NCAPG2: variants seen among roughly 807,000 people sequenced by gnomAD.
NCAPG2 encodes the protein non-SMC condensin II complex subunit G2, also known as condensin-2 complex subunit G2.
NCAPG2 carries 53 observed loss-of-function variants against 141.1 expected under a neutral mutation model. That is an observed-to-expected ratio of 0.38 (90% CI 0.30 to 0.47). The LOEUF is 0.47. Among genes scored for constraint, NCAPG2 ranks in the 20% least tolerant of loss-of-function variants. The pLI is 0.99. For missense variants in NCAPG2, 1,087 were observed against 1,389.0 expected (o/e 0.78, Z 3.46); for synonymous variants, 499 against 490.7 (o/e 1.02, Z -0.22).
intron 15 of NCAPG2, among the ~76,000 whole-genome samples, chr7:158,662,890 G>A (rs1832625690): frequency 6.6e-6 from 1 of 152,166 alleles, no homozygotes. Flanking sequence ...AGCCTGAGAG[G>A]CTGGAATAAT....
rs1830012604 is a variant in NCAPG2 at position 158,633,523 on chromosome 7, G to A, written c.3381-1806C>T. Among the ~76,000 whole-genome samples the A allele has an allele frequency of 6.6e-6, 1 of 152,206 alleles. No individual in the cohort carries two copies. Among genetic ancestry groups the A allele is most frequent in the East Asian group, 1.9e-4 (1 of 5,176 alleles). ...TGCAGCGACACAGGAGACTCTGGGT[G>A]CCCCACAGCCCCTTCACTCTCCCAG... On this transcript the variant is annotated intron_variant, in intron 27 of 27. Transcript: ENST00000356309. This position sits in a 1 kb window ranked among gnomAD's most constrained non-coding sequence, Gnocchi z 4.1.
At chr7:158,676,426 C>A (rs758340808) in intron 11 of NCAPG2, among the ~76,000 whole-genome samples, 52 of 152,110 alleles carry the variant, frequency 3.4e-4, no homozygotes, top group Non-Finnish European at 3.7e-4. Context: ...AGCACATGGG[C>A]CTTAGTTAGA....
chr7:158,652,220 G>A lies in NCAPG2; in HGVS notation c.2934+73C>T. 9.8e-6 allele frequency: 14 copies of A among 1,422,166 alleles called. No individual in the cohort carries two copies. In the South Asian group the frequency reaches 1.7e-4, roughly 17 times the overall value. 88.1% of individuals were successfully genotyped at this position (1,422,166 alleles called of 1,614,324 possible). A position where few individuals can be genotyped will look rare whatever the true frequency, so the allele number is the denominator to read the frequency against. The stretch of plus-strand genomic sequence containing the variant: ...GAGCGTGAACAGCACAGCCAGGGCT[G>A]ATGCATCTGTGTAGGTGTAGCCAGC... On this transcript the variant is annotated intron_variant, in intron 23 of 27. Coordinates refer to ENST00000356309, the MANE Select transcript of NCAPG2 (RefSeq NM_017760.7).
chr7:158,646,998 C>T (rs184675344), intron 24 of NCAPG2, among the ~76,000 whole-genome samples: 3 of 150,800 alleles, frequency 2.0e-5, no homozygotes, highest in Admixed American at 1.3e-4. Flanking sequence ...GCACTCCAGC[C>T]TGGGTGACAG....
At chr7:158,661,766 C>T (rs1318752858) in intron 16 of NCAPG2, among the ~76,000 whole-genome samples, 4 of 152,060 alleles carry the variant, frequency 2.6e-5, no homozygotes, top group Non-Finnish European at 4.4e-5. Context: ...ACTGTTTGCC[C>T]CAACAACACA....
chr7:158,696,097 T>C (rs1252208944), intron 2 of NCAPG2: 2 of 152,274 alleles, frequency 1.3e-5, no homozygotes. Flanking sequence ...GCAACAATTT[T>C]ACTGTATCTC....
At chr7:158,665,783 TG>T (rs1832883628) in intron 13 of NCAPG2, among the ~76,000 whole-genome samples, 1 of 152,148 alleles carries the variant, frequency 6.6e-6, no homozygotes, top group African/African-American at 2.4e-5. Context: ...AAGTTGTTCT[TG>T]CCAAGGTCAT....
intron 15 of NCAPG2, among the ~76,000 whole-genome samples, chr7:158,663,519 G>A (rs561712906): frequency 6.6e-6 from 1 of 152,350 alleles, no homozygotes; most frequent in East Asian, 1.9e-4. Flanking sequence ...GCCTGGGTGA[G>A]CCATCTGCTG....
intron 9 of NCAPG2, among the ~76,000 whole-genome samples, chr7:158,681,391 C>A (rs536305024): frequency 3.3e-5 from 5 of 152,352 alleles, no homozygotes; most frequent in Admixed American, 2.0e-4. Flanking sequence ...CTACTCACTT[C>A]TTTTCCAGTC....
chr7:158,641,263 C>A, intron 27 of NCAPG2: 2 of 376,324 alleles, frequency 5.3e-6, no homozygotes, highest in East Asian at 3.8e-5. Context: ...AAGACAATAA[C>A]AAATATGGTG....
chr7:158,692,917 T>C lies in NCAPG2; in HGVS notation c.307A>G (p.Ile103Val), dbSNP rs755335968. ...TTTATTACAGACACAGAAGCAAGAATCACAGATGTAATTGCATAAATTATT... is the reference window on the plus strand; with the variant it reads ...TTTATTACAGACACAGAAGCAAGAACCACAGATGTAATTGCATAAATTATT... ...IEIIYAITSV[I>V]LASVSVINES... The change falls in exon 4 of 28, where the codon ATT becomes GTT. Residue 103 changes from isoleucine to valine, a missense_variant. Ile to Val is a conservative substitution (Grantham distance 29, BLOSUM62 3). Coordinates refer to ENST00000356309, the MANE Select transcript of NCAPG2 (RefSeq NM_017760.7). 9.2e-5 allele frequency: 146 copies of C among 1,592,618 alleles called. 1 individual carries two copies. In the South Asian group the frequency reaches 1.5e-3, roughly 16 times the overall value.
At chr7:158,668,200 G>T (rs1204763636) in intron 13 of NCAPG2, 3 of 602,690 alleles carry the variant, frequency 5.0e-6, no homozygotes, top group African/African-American at 2.1e-5. Flanking sequence ...ACCGACCCTG[G>T]GTCCCTCCGC....
chr7:158,680,986 T>C (rs1273098857), intron 9 of NCAPG2, among the ~76,000 whole-genome samples, 170 bp from the exon 10 acceptor site: 3 of 152,202 alleles, frequency 2.0e-5, no homozygotes, highest in African/African-American at 7.2e-5. Flanking sequence ...TCAATGGATA[T>C]AGGACAGTAG....
intron 12 of NCAPG2, among the ~76,000 whole-genome samples, chr7:158,672,792 A>T (rs1198348728): frequency 6.6e-6 from 1 of 152,116 alleles, no homozygotes; most frequent in East Asian, 1.9e-4. Flanking sequence ...GACACCGGCC[A>T]CCGGCCACCA....
chr7:158,677,368 A>G (rs568195570), intron 11 of NCAPG2, among the ~76,000 whole-genome samples: 2 of 152,072 alleles, frequency 1.3e-5, no homozygotes, highest in Admixed American at 1.3e-4. Flanking sequence ...CACTCTGCCC[A>G]TTTAGGCAAA....
rs570771419 is a variant in NCAPG2 at position 158,631,655 on chromosome 7, T to A, written c.*11A>T. 8 of 1,574,920 alleles carry A rather than the reference T, an allele frequency of 5.1e-6. No homozygotes were observed. Among genetic ancestry groups the A allele is most frequent in the Non-Finnish European group, 7.0e-6 (8 of 1,145,144 alleles). On this transcript the variant is annotated 3_prime_UTR_variant, in exon 28 of 28. Transcript: ENST00000356309. ...TTCCCTATTTTTACATGTCTGGAGA[T>A]GTTGGCTTGGTTATGAATTCAAAAG...
intron 27 of NCAPG2, among the ~76,000 whole-genome samples, chr7:158,635,942 T>G (rs1830163689): frequency 6.6e-6 from 1 of 152,252 alleles, no homozygotes; most frequent in African/African-American, 2.4e-5. Flanking sequence ...TCCGTTAGAT[T>G]GATTTTTCTT....
intron 13 of NCAPG2, among the ~76,000 whole-genome samples, chr7:158,666,826 T>C (rs1029964089): frequency 6.6e-6 from 1 of 152,120 alleles, no homozygotes; most frequent in African/African-American, 2.4e-5. Flanking sequence ...TGACATCTCC[T>C]GGCCCACTGG....
At chr7:158,634,244 C>G (rs1830049240) in intron 27 of NCAPG2, among the ~76,000 whole-genome samples, 1 of 152,130 alleles carries the variant, frequency 6.6e-6, no homozygotes. Flanking sequence ...CTACCCACAT[C>G]CTCCTGTATG....
Sources: gnomAD v4.1 joint callset for allele counts (sites outside exome capture counted in the v4.1 genomes callset) on GRCh38, gnomAD v4.1.1 for gene constraint, Gnocchi (gnomAD v3.1) non-coding constraint, MANE v1.5 for transcripts, NCBI Gene and HGNC (gene_info 2026-07-23, HGNC 2026-07-21) for gene names.